The following PCNX2 variants were observed in gnomAD, a reference collection of about 807,000 sequenced individuals.
The protein encoded by PCNX2 is pecanex 2, also known as pecanex-like protein 2.
In PCNX2, 168 loss-of-function variants were observed where a neutral mutation model predicts 223.8. The ratio of observed to expected loss-of-function variants is 0.75; its 90% CI spans 0.66 to 0.85. PCNX2 has a LOEUF of 0.85. Ranked by LOEUF, PCNX2 falls within the 40% of genes least tolerant of loss-of-function variation. PCNX2 has a pLI of 0.00. For missense variants in PCNX2, 2,507 were observed against 2,675.5 expected (o/e 0.94, Z 1.39); for synonymous variants, 1,006 against 1,052.6 (o/e 0.96, Z 0.86).
At chr1:233,070,006 A>G (rs1672781849) in intron 23 of PCNX2, among the ~76,000 whole-genome samples, 1 of 152,168 alleles carries the variant, frequency 6.6e-6, no homozygotes, top group Non-Finnish European at 1.5e-5. Context: ...GGGGAGAGAA[A>G]ACACAAATTA....
chr1:233,125,127 C>A (rs1378504608), intron 21 of PCNX2, among the ~76,000 whole-genome samples: 1 of 152,194 alleles, frequency 6.6e-6, no homozygotes, highest in Non-Finnish European at 1.5e-5. Flanking sequence ...GTCAACCTCA[C>A]CAGTGGCTTC....
chr1:233,294,507 T>TA lies in PCNX2; in HGVS notation c.153+818dup, dbSNP rs527590483. Reference sequence around the variant, plus strand: ...GCAAACTCATTGACGATTTTTGCTGTAAAAAAAATGATCAAATAATGTGTT... The same window carrying TA: ...GCAAACTCATTGACGATTTTTGCTGTAAAAAAAAATGATCAAATAATGTGTT... On this transcript the variant is annotated intron_variant, in intron 1 of 33. Coordinates refer to ENST00000258229, the MANE Select transcript of PCNX2 (RefSeq NM_014801.4). 1.9e-3 allele frequency among the ~76,000 whole-genome samples: 290 copies of TA among 152,040 alleles called. 2 individuals carry two copies. Among genetic ancestry groups the TA allele is most frequent in the African/African-American group, 6.4e-3 (267 of 41,470 alleles).
intron 21 of PCNX2, among the ~76,000 whole-genome samples, chr1:233,122,760 T>C (rs1489799028): frequency 6.6e-6 from 1 of 152,054 alleles, no homozygotes; most frequent in Non-Finnish European, 1.5e-5. Context: ...TGACCTCAGG[T>C]GATCCACCCA....
In PCNX2 at chr1:233,160,325, G is replaced by A; in HGVS notation, c.3475C>T (p.Pro1159Ser). The change falls in exon 19 of 34, where the codon CCC becomes TCC. Residue 1159 changes from proline to serine, a missense_variant. Transcript: ENST00000258229. ...TGATACTCTTTGTTTTTGAGAATGGGGTGTGAAATCCACATCCAGGGATGA... is the reference window on the plus strand; with the variant it reads ...TGATACTCTTTGTTTTTGAGAATGGAGTGTGAAATCCACATCCAGGGATGA... Reference protein sequence around the residue: ...KHHPWMWISHPILKNKEYHQR... With the variant: ...KHHPWMWISHSILKNKEYHQR... The A allele has an allele frequency of 6.2e-7, 1 of 1,613,578 alleles. No individual in the cohort carries two copies. The highest frequency in any genetic ancestry group is 1.1e-5 in the South Asian group (1 of 91,076).
At chr1:233,155,683 A>T (rs986853657) in intron 19 of PCNX2, among the ~76,000 whole-genome samples, 1 of 152,220 alleles carries the variant, frequency 6.6e-6, no homozygotes, top group Non-Finnish European at 1.5e-5. Flanking sequence ...GGACCATGTG[A>T]AATGTGACTC....
At chr1:233,223,641 T>A (rs934391748) in intron 10 of PCNX2, among the ~76,000 whole-genome samples, 1 of 152,018 alleles carries the variant, frequency 6.6e-6, no homozygotes, top group Non-Finnish European at 1.5e-5. Flanking sequence ...GGCCCCGGTG[T>A]GTGATGTTTG....
rs756649176 is a variant in PCNX2, at chr1:233,025,352, C to T, written c.4399G>A (p.Glu1467Lys). 1.2e-5 allele frequency: 19 copies of T among 1,613,860 alleles called. No homozygotes were observed. Among genetic ancestry groups the T allele is most frequent in the East Asian group, 2.2e-5 (1 of 44,886 alleles). The change falls in exon 26 of 34, where the codon GAG becomes AAG. Residue 1467 changes from glutamate to lysine, a missense_variant. Physicochemically the swap from Glu to Lys is moderately conservative, Grantham distance 56. Around this residue, in one of 3 missense-constraint regions of PCNX2, gnomAD observed 1,372 missense variants for 1,509.4 expected, o/e 0.91. Coordinates refer to ENST00000258229, the MANE Select transcript of PCNX2 (RefSeq NM_014801.4). ...REVEAIMEGD[E>K]EDRGCCCCKP... ...CAGCAGCAGCAGCCTCTGTCCTCCT[C>T]GTCGCCCTCCATGATGGCTTCTACC...
At chr1:233,213,618 A>G (rs1177140226) in intron 12 of PCNX2, among the ~76,000 whole-genome samples, 1 of 152,190 alleles carries the variant, frequency 6.6e-6, no homozygotes, top group African/African-American at 2.4e-5. Flanking sequence ...CCTGAAGTGG[A>G]TACCAAATGT....
intron 16 of PCNX2, among the ~76,000 whole-genome samples, chr1:233,178,513 C>T (rs528533485): frequency 1.3e-4 from 20 of 152,308 alleles, no homozygotes; most frequent in Admixed American, 7.2e-4. Flanking sequence ...GTAATGTATA[C>T]TTTCACATTA....
intron 27 of PCNX2, among the ~76,000 whole-genome samples, chr1:233,015,923 G>A (rs891542095): frequency 6.6e-6 from 1 of 151,752 alleles, no homozygotes; most frequent in Non-Finnish European, 1.5e-5. Flanking sequence ...GAGGGAGAGT[G>A]GGGAGATGCA....
At chr1:233,119,162 T>A (rs1675602131) in intron 21 of PCNX2, among the ~76,000 whole-genome samples, 1 of 151,458 alleles carries the variant, frequency 6.6e-6, no homozygotes. Flanking sequence ...GGCAAAAAAA[T>A]TAAAAACAAA....
At chr1:233,177,974 A>G in intron 16 of PCNX2, 76 bp from the exon 17 acceptor site, 1 of 1,120,052 alleles carries the variant, frequency 8.9e-7, no homozygotes, top group South Asian at 1.4e-5. Context: ...TTCACCTTAG[A>G]TCTCACACCC....
intron 28 of PCNX2, among the ~76,000 whole-genome samples, chr1:233,013,175 T>C (rs1670526497): frequency 6.6e-6 from 1 of 152,184 alleles, no homozygotes; most frequent in Non-Finnish European, 1.5e-5. Context: ...AAAATAGGCA[T>C]TAACATGAGA....
At chr1:233,195,000 G>C (rs1225510057) in intron 15 of PCNX2, among the ~76,000 whole-genome samples, 1 of 138,564 alleles carries the variant, frequency 7.2e-6, no homozygotes, top group Non-Finnish European at 1.5e-5. Context: ...CTGGGTAACA[G>C]AGTGAGATTC....
At chr1:233,228,353 G>A (rs2102947835) in intron 9 of PCNX2, among the ~76,000 whole-genome samples, 1 of 152,198 alleles carries the variant, frequency 6.6e-6, no homozygotes, top group South Asian at 2.1e-4. Flanking sequence ...ATCTTTAATT[G>A]TGGGTGAAAA....
intron 12 of PCNX2, chr1:233,211,911 CT>C (rs1283359168): frequency 1.4e-6 from 1 of 708,510 alleles, no homozygotes; most frequent in Admixed American, 6.3e-5. Context: ...GGGCTCCTAA[CT>C]TGCGGAAGGT....
At chr1:233,259,805 C>A in intron 4 of PCNX2, 1 of 872,610 alleles carries the variant, frequency 1.1e-6, no homozygotes, top group Non-Finnish European at 1.4e-6. Flanking sequence ...TTCTTATTTA[C>A]GGCTGCATTG....
Position 233,000,495 on chromosome 1 carries a change from A to T in PCNX2, c.5138T>A (p.Val1713Asp). ...TCPDEYEDPAVLYEAIQSFEK... is the reference protein window; with the variant it reads ...TCPDEYEDPADLYEAIQSFEK... ...GAAGGACTGGATGGCCTCGTAGAGGACTGCTGGGTCTTCATACTCGTCAGG... is the reference window on the plus strand; with the variant it reads ...GAAGGACTGGATGGCCTCGTAGAGGTCTGCTGGGTCTTCATACTCGTCAGG... Residue 1713 changes from valine (V) to aspartate (D), a missense_variant, in exon 30 of 34, where the codon GTC becomes GAC. Around this residue, in one of 3 missense-constraint regions of PCNX2, gnomAD observed 1,372 missense variants for 1,509.4 expected, o/e 0.91. Transcript: ENST00000258229. The surrounding 1 kb of genome is among the most constrained non-coding windows in gnomAD (Gnocchi z 4.6). The T allele has an allele frequency of 1.2e-6, 2 of 1,603,162 alleles. No homozygotes were observed. Among genetic ancestry groups the T allele is most frequent in the Non-Finnish European group, 1.7e-6 (2 of 1,176,414 alleles).
the PCNX2 span, among the ~76,000 whole-genome samples, chr1:233,317,011 G>T: frequency 2.6e-5 from 4 of 152,144 alleles, no homozygotes; most frequent in African/African-American, 9.7e-5. Flanking sequence ...GGTATCAAAT[G>T]ATGAAACTAA....
Sources: allele counts gnomAD v4.1 joint callset (sites outside exome capture counted in the v4.1 genomes callset), GRCh38; gene constraint gnomAD v4.1.1; regional missense constraint gnomAD v4.1.1; non-coding constraint Gnocchi (gnomAD v3.1); transcripts MANE v1.5; gene names NCBI Gene and HGNC (gene_info 2026-07-23, HGNC 2026-07-21).